The following PEG3 variants were observed in gnomAD, a reference collection of about 807,000 sequenced individuals.
PEG3 encodes paternally-expressed gene 3 protein.
In PEG3, 23 loss-of-function variants were observed where a neutral mutation model predicts 35.5. The observed-to-expected ratio is 0.65, with a 90% CI of 0.47 to 0.92. The LOEUF is 0.92. Among genes scored for constraint, PEG3 ranks in the 40% least tolerant of loss-of-function variants. The pLI is 0.00. For missense variants in PEG3, 1,960 were observed against 1,985.3 expected (o/e 0.99, Z 0.24); for synonymous variants, 707 against 697.0 (o/e 1.01, Z -0.23).
rs762814539 is a variant in PEG3 at position 56,813,658 on chromosome 19, ACCTTTACC to A, written c.*9_*16del. On this transcript the variant is annotated 3_prime_UTR_variant, in exon 10 of 10. Coordinates refer to ENST00000326441, the MANE Select transcript of PEG3 (RefSeq NM_006210.3). ...TCAAGTCCTAGGTGAAGGTTTTCTA[ACCTTTACC>A]CCATGCCCTCAGCCAGTGTGGGTAT... is the stretch of plus-strand genomic sequence containing the variant. 1 of 1,600,230 alleles carries A rather than the reference ACCTTTACC, an allele frequency of 6.2e-7. No individual in the cohort carries two copies. Among genetic ancestry groups the A allele is most frequent in the African/African-American group, 1.3e-5 (1 of 74,706 alleles).
intron 1 of PEG3, among the ~76,000 whole-genome samples, chr19:56,838,374 C>G (rs1601322449): frequency 6.6e-6 from 1 of 152,208 alleles, no homozygotes; most frequent in African/African-American, 2.4e-5. Flanking sequence ...CTGTGGCTAG[C>G]ACAGACAGTA....
chr19:56,831,925 A>G (rs2061603116), intron 2 of PEG3, among the ~76,000 whole-genome samples: 1 of 152,262 alleles, frequency 6.6e-6, no homozygotes, highest in African/African-American at 2.4e-5. Flanking sequence ...GTTTTCAGAA[A>G]GCAAAGCTAT....
chr19:56,814,349 C>T lies in PEG3; in HGVS notation c.4093G>A (p.Ala1365Thr). The part of the protein sequence containing the change: ...LEEEEEDEAA[A>T]AAAAAAQEVE... ...TCCTGGGCTGCTGCTGCTGCAGCTG[C>T]TGCTGCTTCATCTTCTTCTTCTTCT... is the stretch of plus-strand genomic sequence containing the variant. The change falls in exon 10 of 10, where the codon GCA becomes ACA. Residue 1365 changes from alanine to threonine, a missense_variant. Around this residue, in one of 5 missense-constraint regions of PEG3, gnomAD observed 416 missense variants for 416.7 expected, o/e 1.00. Transcript: ENST00000326441. This position sits in a 1 kb window ranked among gnomAD's most constrained non-coding sequence, Gnocchi z 5.8. The T allele has an allele frequency of 1.2e-6, 2 of 1,614,082 alleles. No homozygotes were observed. Among genetic ancestry groups the T allele is most frequent in the Non-Finnish European group, 1.7e-6 (2 of 1,179,936 alleles).
rs200022665 is a variant in PEG3 at position 56,816,631 on chromosome 19, C to T, written c.1811G>A (p.Arg604His). ...TGGGCTGGGCCTAAAGGTTTCCCCG[C>T]GCTCACGTTCACGTTCACGTTCATG... ...REHERERERERGETFRPSPAL... is the reference protein window; with the variant it reads ...REHEREREREHGETFRPSPAL... The change falls in exon 10 of 10, where the codon CGC (arginine) becomes CAC (histidine). Residue 604 changes from arginine (R) to histidine (H), a missense_variant. Coordinates refer to ENST00000326441, the MANE Select transcript of PEG3 (RefSeq NM_006210.3). The T allele has an allele frequency of 4.5e-5, 72 of 1,613,640 alleles. No homozygotes were observed. Among genetic ancestry groups the T allele is most frequent in the Non-Finnish European group, 4.6e-5 (54 of 1,179,706 alleles).
rs761729777 is a variant in PEG3, at chr19:56,813,772, T to G, written c.4670A>C (p.Asn1557Thr). ...ERASTSTGGANQADEKYFKCD... is the reference protein window; with the variant it reads ...ERASTSTGGATQADEKYFKCD... ...TTTGAAGTACTTCTCATCAGCTTGA[T>G]TGGCACCACCTGTGCTGGTGCTGGC... The change falls in exon 10 of 10, where the codon AAT becomes ACT. Residue 1557 changes from asparagine to threonine, a missense_variant. Asn to Thr is a moderately conservative substitution (Grantham distance 65). Coordinates refer to ENST00000326441, the MANE Select transcript of PEG3 (RefSeq NM_006210.3). 1.9e-5 allele frequency: 30 copies of G among 1,613,996 alleles called. No homozygotes were observed. Among genetic ancestry groups the G allele is most frequent in the Middle Eastern group, 1.6e-4 (1 of 6,084 alleles).
At chr19:56,822,614 T>C (rs1448061454) in intron 6 of PEG3, 139 bp downstream of exon 6, 2 of 1,209,798 alleles carry the variant, frequency 1.7e-6, no homozygotes, top group African/African-American at 3.0e-5. Flanking sequence ...AATACGAGCC[T>C]TGGACTAAAC....
rs1288519095 is a variant in PEG3, at chr19:56,818,425, T to C, written c.772+175A>G. 2.0e-5 allele frequency among the ~76,000 whole-genome samples: 3 copies of C among 152,234 alleles called. No individual in the cohort carries two copies. The East Asian group carries it at 5.8e-4, about 29-fold the overall frequency. Reference sequence around the variant, plus strand: ...CTTTACCCAAAGCCAGAGGCATTTCTTAAAAACACAAATTTTATCATTTAC... The same window carrying C: ...CTTTACCCAAAGCCAGAGGCATTTCCTAAAAACACAAATTTTATCATTTAC... On this transcript the variant is annotated intron_variant, in intron 8 of 9. Transcript: ENST00000326441.
At position 56,811,688 on chromosome 19, in the gene PEG3, A is replaced by G; in HGVS notation, c.*1987T>C. The G allele has an allele frequency of 1.0e-6, 1 of 985,442 alleles. No homozygotes were observed. The highest frequency in any genetic ancestry group is 1.2e-6 in the Non-Finnish European group (1 of 829,956). The allele number at this position is 985,442 out of a possible 1,614,324, so 61.0% of individuals were successfully genotyped here. A position where few individuals can be genotyped will look rare whatever the true frequency, so the allele number is the denominator to read the frequency against. On this transcript the variant is annotated 3_prime_UTR_variant, in exon 10 of 10. Transcript: ENST00000326441. ...TTCTCGTTTCAAGAGTCCTTTTCCCATGTAGTAAACCTCACTGCCCCTCAG... is the reference window on the plus strand; with the variant it reads ...TTCTCGTTTCAAGAGTCCTTTTCCCGTGTAGTAAACCTCACTGCCCCTCAG...
chr19:56,839,073 C>G (rs2062606273), intron 1 of PEG3, among the ~76,000 whole-genome samples: 1 of 149,110 alleles, frequency 6.7e-6, no homozygotes, highest in Non-Finnish European at 1.5e-5. Context: ...CGGGCCTTGT[C>G]TCGCCCAACC....
intron 2 of PEG3, among the ~76,000 whole-genome samples, chr19:56,835,172 T>C (rs1011544283): frequency 6.6e-6 from 1 of 152,056 alleles, no homozygotes; most frequent in Non-Finnish European, 1.5e-5. Context: ...ACCCACTGCG[T>C]CCACCCTCCC....
chr19:56,817,880 G>T (rs763391242), intron 8 of PEG3, 45 bp from the exon 9 acceptor site: 10 of 1,474,484 alleles, frequency 6.8e-6, no homozygotes, highest in South Asian at 1.2e-5. Flanking sequence ...TCAAGTTGAG[G>T]ACCAAGACTC....
chr19:56,816,245 T>C lies in PEG3; in HGVS notation c.2197A>G (p.Lys733Glu). The change falls in exon 10 of 10, where the codon AAG becomes GAG. Residue 733 changes from lysine to glutamate, a missense_variant. Lys to Glu is a moderately conservative substitution (Grantham distance 56). Around this residue, in one of 5 missense-constraint regions of PEG3, gnomAD observed 798 missense variants for 782.4 expected, o/e 1.02. Transcript: ENST00000326441. ...AGAGGTCTTGTTATAGTATGACTCT[T>C]CTGAGATTCAGTGAATGGCCCACTA... ...IHSGPFTESQ[K>E]SHTITRPLES... 2 of 1,614,146 alleles carry C rather than the reference T, an allele frequency of 1.2e-6. No individual in the cohort carries two copies. Among genetic ancestry groups the C allele is most frequent in the Non-Finnish European group, 1.7e-6 (2 of 1,179,970 alleles).
intron 7 of PEG3, among the ~76,000 whole-genome samples, chr19:56,820,256 TG>T (rs2060352775): frequency 6.6e-6 from 1 of 152,228 alleles, no homozygotes; most frequent in Admixed American, 6.5e-5. Context: ...AATTTACACA[TG>T]AAGCTAAAAG....
Position 56,815,924 on chromosome 19 carries a change from C to A in PEG3, c.2518G>T (p.Ala840Ser). 1 of 1,608,220 alleles carries A rather than the reference C, an allele frequency of 6.2e-7. No homozygotes were observed. The highest frequency in any genetic ancestry group is 8.5e-7 in the Non-Finnish European group (1 of 1,177,188). The change falls in exon 10 of 10, where the codon GCT becomes TCT. Residue 840 changes from alanine (A) to serine (S), a missense_variant. Around this residue, in one of 5 missense-constraint regions of PEG3, gnomAD observed 798 missense variants for 782.4 expected, o/e 1.02. Transcript: ENST00000326441. Reference sequence around the variant, plus strand: ...TTGTGACTTCTTGGAGGTTTGGAAGCCACTAAGCTATGGATAACAGACCTA... The same window carrying A: ...TTGTGACTTCTTGGAGGTTTGGAAGACACTAAGCTATGGATAACAGACCTA... Reference protein sequence around the residue: ...YSRSVIHSLVASKPPRSHNGN... With the variant: ...YSRSVIHSLVSSKPPRSHNGN...
Position 56,817,372 on chromosome 19 carries a change from C to G in PEG3, c.1070G>C (p.Arg357Thr). The stretch of plus-strand genomic sequence containing the variant: ...AACCCGCTGCTGGATCACTGACTCC[C>G]TCTTGTTCAATGAAATGTCCTTCCA... ...DNWKDISLNKRESVIQQRVYE... is the reference protein window; with the variant it reads ...DNWKDISLNKTESVIQQRVYE... Residue 357 changes from arginine to threonine, a missense_variant, in exon 10 of 10, where the codon AGG (arginine) becomes ACG (threonine). Around this residue, in one of 5 missense-constraint regions of PEG3, gnomAD observed 613 missense variants for 577.1 expected, o/e 1.06. Transcript: ENST00000326441. The G allele has an allele frequency of 6.2e-7, 1 of 1,614,010 alleles. No homozygotes were observed. The highest frequency in any genetic ancestry group is 8.5e-7 in the Non-Finnish European group (1 of 1,179,888).
intron 3 of PEG3, 104 bp from the exon 4 acceptor site, chr19:56,824,845 G>A (rs926785693): frequency 1.6e-5 from 9 of 577,536 alleles, no homozygotes; most frequent in South Asian, 1.2e-4. Flanking sequence ...GGATATGGGA[G>A]TCCCCAGTAA....
At chr19:56,822,313 C>T (rs565978168) in intron 6 of PEG3, among the ~76,000 whole-genome samples, 3 of 152,188 alleles carry the variant, frequency 2.0e-5, no homozygotes, top group Non-Finnish European at 4.4e-5. Flanking sequence ...TGATTGATTC[C>T]CTTCCAAATC....
rs1338597845 is a variant in PEG3, at chr19:56,821,679, T to A, written c.641A>T (p.Asp214Val). 1 of 1,613,282 alleles carries A rather than the reference T, an allele frequency of 6.2e-7. No homozygotes were observed. The change falls in exon 7 of 10, where the codon GAC (aspartate) becomes GTC (valine). Residue 214 changes from aspartate (D) to valine (V), a missense_variant. By Grantham distance (152) the Asp-to-Val change is radical (BLOSUM62 -3). Transcript: ENST00000326441. ...SFEMDREDDRDSRAYESRSQD... is the reference protein window; with the variant it reads ...SFEMDREDDRVSRAYESRSQD... Reference sequence around the variant, plus strand: ...AGATCGGGACTCATAAGCCCTGGAGTCCCTGTCGTCCTCTCTGTCCATTTC... The same window carrying A: ...AGATCGGGACTCATAAGCCCTGGAGACCCTGTCGTCCTCTCTGTCCATTTC...
chr19:56,816,419 G>A lies in PEG3; in HGVS notation c.2023C>T (p.Arg675Cys), dbSNP rs568666010. 22 of 1,613,702 alleles carry A rather than the reference G, an allele frequency of 1.4e-5. No individual in the cohort carries two copies. Among genetic ancestry groups the A allele is most frequent in the Admixed American group, 8.3e-5 (5 of 60,008 alleles). The stretch of plus-strand genomic sequence containing the variant: ...TTCTCCTTATTGTAAGTTTTCTGAC[G>A]CCTTTTAAGGGACTGACCAGGAATA... ...TFIPGQSLKR[R>C]QKTYNKEKLC... The change falls in exon 10 of 10, where the codon CGT becomes TGT. Residue 675 changes from arginine to cysteine, a missense_variant. Coordinates refer to ENST00000326441, the MANE Select transcript of PEG3 (RefSeq NM_006210.3).
Sources: gnomAD v4.1 joint callset for allele counts (sites outside exome capture counted in the v4.1 genomes callset) on GRCh38, gnomAD v4.1.1 for gene constraint, gnomAD v4.1.1 regional missense constraint, Gnocchi (gnomAD v3.1) non-coding constraint, MANE v1.5 for transcripts, NCBI Gene and HGNC (gene_info 2026-07-23, HGNC 2026-07-21) for gene names.